The following SLC24A2 variants were observed in gnomAD, a reference collection of about 807,000 sequenced individuals.
The protein encoded by SLC24A2 is solute carrier family 24 member 2, also known as sodium/potassium/calcium exchanger 2.
A neutral mutation model predicts 62.0 loss-of-function variants in SLC24A2; 36 were observed. That is an observed-to-expected ratio of 0.58 (90% confidence interval 0.44 to 0.77). The LOEUF (loss-of-function observed/expected upper bound fraction) is 0.77. SLC24A2 is among the 30% of genes least tolerant of loss of function. The probability of loss-of-function intolerance (pLI) is 0.00; values close to 1 mark genes in which losing one functional copy is unlikely to be tolerated. For missense variants in SLC24A2, 846 were observed against 817.9 expected (o/e 1.03, Z -0.42); for synonymous variants, 358 against 294.0 (o/e 1.22, Z -2.23).
At chr9:20,113,803 ACTGACTTCC>A in the SLC24A2 span, among the ~76,000 whole-genome samples, 1 of 152,182 alleles carries the variant, frequency 6.6e-6, no homozygotes, top group African/African-American at 2.4e-5. Context: ...ATTTTTATGC[ACTGACTTCC>A]TCTTTCAATC....
At chr9:20,261,015 C>T in the SLC24A2 span, among the ~76,000 whole-genome samples, 2 of 151,904 alleles carry the variant, frequency 1.3e-5, no homozygotes, top group South Asian at 4.2e-4. Flanking sequence ...GCCACCACAC[C>T]CGGCTAATTT....
At chr9:19,520,774 C>A (rs887665884) in intron 10 of SLC24A2, 120 bp downstream of exon 10, 45 of 879,152 alleles carry the variant, frequency 5.1e-5, no homozygotes, top group Non-Finnish European at 8.4e-5. Flanking sequence ...TCAATCTTTA[C>A]TCTGTATTGG....
the SLC24A2 span, among the ~76,000 whole-genome samples, chr9:20,282,696 A>C: frequency 6.6e-6 from 1 of 152,234 alleles, no homozygotes; most frequent in African/African-American, 2.4e-5. Context: ...AAATGATTTT[A>C]TAGATATACA....
At chr9:19,997,977 T>C in the SLC24A2 span, among the ~76,000 whole-genome samples, 1 of 152,146 alleles carries the variant, frequency 6.6e-6, no homozygotes, top group South Asian at 2.1e-4. Flanking sequence ...AGTTCATACC[T>C]GGCATCCTTA....
chr9:20,056,400 A>T, the SLC24A2 span, among the ~76,000 whole-genome samples: 2 of 152,188 alleles, frequency 1.3e-5, no homozygotes, highest in African/African-American at 4.8e-5. Context: ...GGGATGGGAG[A>T]TATCATGACC....
At chr9:20,105,883 C>G in the SLC24A2 span, among the ~76,000 whole-genome samples, 3 of 152,078 alleles carry the variant, frequency 2.0e-5, 1 homozygote, top group South Asian at 6.2e-4. Flanking sequence ...CACAAAAAAT[C>G]CTTCAAAAAA....
At chr9:19,524,886 A>G (rs1258828844) in intron 9 of SLC24A2, among the ~76,000 whole-genome samples, 1 of 152,260 alleles carries the variant, frequency 6.6e-6, no homozygotes, top group African/African-American at 2.4e-5. Flanking sequence ...AACGGCAAAA[A>G]AGAAATATCT....
At chr9:20,027,096 G>C in the SLC24A2 span, among the ~76,000 whole-genome samples, 3 of 152,044 alleles carry the variant, frequency 2.0e-5, no homozygotes, top group African/African-American at 7.2e-5. Context: ...TCAGAGAAAT[G>C]CAAATCAGAA....
chr9:20,295,050 A>G, the SLC24A2 span, among the ~76,000 whole-genome samples: 2,382 of 146,472 alleles, frequency 0.016, 64 homozygotes, highest in African/African-American at 0.056. Context: ...ATATATATAT[A>G]TATACACACA....
At position 19,595,656 on chromosome 9, in the gene SLC24A2, G is replaced by GGAAA. The variant is rs571381543; in HGVS notation, c.1129+1569_1129+1572dup. Among the ~76,000 whole-genome samples, 16 of 152,146 alleles carry GGAAA rather than the reference G, an allele frequency of 1.1e-4. No individual in the cohort carries two copies. In the East Asian group the frequency reaches 1.9e-3, roughly 18 times the overall value. On this transcript the variant is annotated intron_variant, in intron 5 of 10. Transcript: ENST00000341998. ...TATCTTAAATTGTCTGGTGTAGGGA[G>GGAAA]GAAAGAAAGGGAACACTTGGACAAC...
the SLC24A2 span, among the ~76,000 whole-genome samples, chr9:20,275,859 G>A: frequency 1.3e-5 from 2 of 152,146 alleles, no homozygotes; most frequent in African/African-American, 4.8e-5. Flanking sequence ...AAGACAGCAC[G>A]TGTGAGGGAA....
chr9:20,064,976 G>A, the SLC24A2 span, among the ~76,000 whole-genome samples: 1,199 of 152,292 alleles, frequency 7.9e-3, 24 homozygotes, highest in African/African-American at 0.028. Flanking sequence ...AAAGTGAGTA[G>A]TGAGAACAAA....
the SLC24A2 span, among the ~76,000 whole-genome samples, chr9:19,816,728 G>A: frequency 1.3e-5 from 2 of 151,984 alleles, no homozygotes; most frequent in Admixed American, 1.3e-4. Context: ...GCAAGAGAGG[G>A]CAAGGGAGGT....
chr9:19,683,536 CT>C lies in SLC24A2; in HGVS notation c.931-61238del, dbSNP rs74320355. On this transcript the variant is annotated intron_variant, in intron 2 of 10. Coordinates refer to ENST00000341998, the MANE Select transcript of SLC24A2 (RefSeq NM_020344.4). Reference sequence around the variant, plus strand: ...TCCTGCCTGGAAATTGTGCTCTGAACTTTTTTTTTTTTTTCAGTTTCCAAGA... The same window carrying C: ...TCCTGCCTGGAAATTGTGCTCTGAACTTTTTTTTTTTTTCAGTTTCCAAGA... Among the ~76,000 whole-genome samples, 412 of 143,080 alleles carry C rather than the reference CT, an allele frequency of 2.9e-3. 4 individuals carry two copies. The highest frequency in any genetic ancestry group is 5.1e-3 in the African/African-American group (199 of 38,854). The allele number at this position is 143,080 out of a possible 152,430, so 93.9% of individuals were successfully genotyped here. A position where few individuals can be genotyped will look rare whatever the true frequency, so the allele number is the denominator to read the frequency against.
chr9:19,590,853 A>G (rs1382581243), intron 5 of SLC24A2, among the ~76,000 whole-genome samples: 1 of 152,092 alleles, frequency 6.6e-6, no homozygotes, highest in Non-Finnish European at 1.5e-5. Flanking sequence ...GAAGCATCCC[A>G]CTTTCTGTCC....
chr9:19,956,118 A>C, the SLC24A2 span, among the ~76,000 whole-genome samples: 3 of 152,210 alleles, frequency 2.0e-5, no homozygotes, highest in African/African-American at 7.2e-5. Flanking sequence ...CAGTTTCAGC[A>C]AAGATGAGGA....
At chr9:20,180,485 T>C in the SLC24A2 span, among the ~76,000 whole-genome samples, 3 of 152,174 alleles carry the variant, frequency 2.0e-5, no homozygotes, top group South Asian at 2.1e-4. Flanking sequence ...TAAAAATTCA[T>C]CCAAAAATTT....
At chr9:20,307,438 G>T in the SLC24A2 span, among the ~76,000 whole-genome samples, 1 of 152,308 alleles carries the variant, frequency 6.6e-6, no homozygotes, top group East Asian at 1.9e-4. Flanking sequence ...CCACATTTGG[G>T]AAAGGCTGCT....
At chr9:20,130,697 T>G in the SLC24A2 span, among the ~76,000 whole-genome samples, 3 of 152,100 alleles carry the variant, frequency 2.0e-5, no homozygotes. Flanking sequence ...CATGATCTGA[T>G]TACTATTTGA....
Sources: allele counts gnomAD v4.1 joint callset (sites outside exome capture counted in the v4.1 genomes callset), GRCh38; gene constraint gnomAD v4.1.1; transcripts MANE v1.5; gene names NCBI Gene and HGNC (gene_info 2026-07-23, HGNC 2026-07-21).